WDR72: variants seen among roughly 807,000 people sequenced by gnomAD.
WDR72 encodes the protein WD repeat-containing protein 72.
WDR72 carries 120 observed loss-of-function variants against 124.2 expected under a neutral mutation model. That is an observed-to-expected ratio of 0.97 (90% CI 0.83 to 1.12). The LOEUF is 1.12. WDR72 is among the 50% of genes most tolerant of loss of function. The pLI, the probability that WDR72 is intolerant of heterozygous loss-of-function variation, is 0.00. For missense variants in WDR72, 1,387 were observed against 1,278.8 expected (o/e 1.08, Z -1.29); for synonymous variants, 452 against 441.7 (o/e 1.02, Z -0.29).
chr15:53,658,306 G>C (rs575983482), intron 14 of WDR72, among the ~76,000 whole-genome samples: 1 of 151,912 alleles, frequency 6.6e-6, no homozygotes, highest in South Asian at 2.1e-4. Flanking sequence ...ATAACAGCTC[G>C]CAATGGTAGA....
chr15:53,560,168 C>T (rs577862137), intron 18 of WDR72, among the ~76,000 whole-genome samples: 5 of 151,924 alleles, frequency 3.3e-5, no homozygotes, highest in Admixed American at 6.6e-5. Flanking sequence ...AAAAGCTGTC[C>T]GATGGCTTTC....
At chr15:53,571,790 A>C (rs1446350240) in intron 18 of WDR72, among the ~76,000 whole-genome samples, 1 of 149,456 alleles carries the variant, frequency 6.7e-6, no homozygotes, top group Non-Finnish European at 1.5e-5. Flanking sequence ...TTTTTTAAGA[A>C]TCTTCATACT....
At chr15:53,704,675 G>A (rs185235183) in intron 11 of WDR72, among the ~76,000 whole-genome samples, 1,594 of 143,464 alleles carry the variant, frequency 0.011, 16 homozygotes, top group Non-Finnish European at 0.017. Flanking sequence ...ACAGGTGCCC[G>A]CCACCATGCC....
intron 12 of WDR72, among the ~76,000 whole-genome samples, chr15:53,700,182 T>A (rs6493644): frequency 0.045 from 6,789 of 152,128 alleles, 534 homozygotes; most frequent in African/African-American, 0.16. Context: ...CCAGGACAGA[T>A]CTACTTATAA....
chr15:53,526,491 G>A (rs1892124053), intron 18 of WDR72, among the ~76,000 whole-genome samples: 1 of 152,030 alleles, frequency 6.6e-6, no homozygotes, highest in African/African-American at 2.4e-5. Context: ...CTCTTTACAT[G>A]TCTCTTTGAG....
intron 18 of WDR72, among the ~76,000 whole-genome samples, chr15:53,573,912 C>T (rs967246205): frequency 6.6e-6 from 1 of 152,112 alleles, no homozygotes; most frequent in Non-Finnish European, 1.5e-5. Context: ...GTTTTTATTT[C>T]TTTAATTGAT....
intron 18 of WDR72, among the ~76,000 whole-genome samples, chr15:53,533,637 A>G (rs529480886): frequency 2.0e-5 from 3 of 152,216 alleles, no homozygotes; most frequent in African/African-American, 4.8e-5. Flanking sequence ...TTCTCACTAG[A>G]TGCTACCCCT....
At chr15:53,660,753 T>A (rs1314540565) in intron 14 of WDR72, among the ~76,000 whole-genome samples, 1 of 152,168 alleles carries the variant, frequency 6.6e-6, no homozygotes, top group Non-Finnish European at 1.5e-5. Context: ...AGCCATTACT[T>A]ACAAATTTGT....
chr15:53,517,904 G>C (rs1223050207), intron 19 of WDR72, 150 bp from the exon 20 acceptor site: 1 of 732,636 alleles, frequency 1.4e-6, no homozygotes, highest in African/African-American at 1.8e-5. Context: ...AAGAAAGGAA[G>C]AAAGGTATTG....
intron 13 of WDR72, among the ~76,000 whole-genome samples, chr15:53,668,531 A>G (rs2015855897): frequency 6.6e-6 from 1 of 152,154 alleles, no homozygotes; most frequent in Non-Finnish European, 1.5e-5. Flanking sequence ...GGCTTGATAA[A>G]TATTTTCTCA....
chr15:53,746,325 G>A lies in WDR72; in HGVS notation c.-12-13164C>T, dbSNP rs186021932. On this transcript the variant is annotated intron_variant, in intron 1 of 19. Coordinates refer to ENST00000360509, the MANE Select transcript of WDR72 (RefSeq NM_182758.4). The stretch of plus-strand genomic sequence containing the variant: ...ATTGTTTACCTTGTCATAAATAGCT[G>A]TCTTCAGGGACACACCCAGACACTG... Among the ~76,000 whole-genome samples, 474 of 152,204 alleles carry A rather than the reference G, an allele frequency of 3.1e-3. 1 individual carries two copies. Among genetic ancestry groups the A allele is most frequent in the Non-Finnish European group, 5.3e-3 (360 of 68,020 alleles).
At chr15:53,535,050 A>T (rs1892689267) in intron 18 of WDR72, among the ~76,000 whole-genome samples, 1 of 152,150 alleles carries the variant, frequency 6.6e-6, no homozygotes, top group African/African-American at 2.4e-5. Context: ...TAAAGGAAAA[A>T]GGAAATAAAG....
chr15:53,573,241 A>C (rs1391068472), intron 18 of WDR72, among the ~76,000 whole-genome samples: 1 of 152,130 alleles, frequency 6.6e-6, no homozygotes, highest in Non-Finnish European at 1.5e-5. Flanking sequence ...TATTTCCTTC[A>C]TTCCATGATA....
intron 14 of WDR72, among the ~76,000 whole-genome samples, chr15:53,621,661 A>G (rs2014000554): frequency 6.6e-6 from 1 of 151,976 alleles, no homozygotes. Flanking sequence ...GAAGGGGATG[A>G]CGAATAAAAG....
At position 53,515,778 on chromosome 15, in the gene WDR72, C is replaced by CTAAG. The variant is rs1891428557; in HGVS notation, c.*1917_*1920dup. The CTAAG allele has an allele frequency of 1.3e-5, 2 of 152,176 alleles. No individual in the cohort carries two copies. Among genetic ancestry groups the CTAAG allele is most frequent in the African/African-American group, 4.8e-5 (2 of 41,536 alleles). 9.4% of individuals were successfully genotyped at this position (152,176 alleles called of 1,614,324 possible). A position where few individuals can be genotyped will look rare whatever the true frequency, so the allele number is the denominator to read the frequency against. On this transcript the variant is annotated 3_prime_UTR_variant, in exon 20 of 20. Coordinates refer to ENST00000360509, the MANE Select transcript of WDR72 (RefSeq NM_182758.4). The stretch of plus-strand genomic sequence containing the variant: ...TTGGTTTCATTAGAACTGATAAATG[C>CTAAG]TAAGTATGGCAACTATTAAAACCTA...
chr15:53,705,229 T>C lies in WDR72; in HGVS notation c.1107A>G (p.Ile369Met). 1 of 1,612,984 alleles carries C rather than the reference T, an allele frequency of 6.2e-7. No individual in the cohort carries two copies. Among genetic ancestry groups the C allele is most frequent in the Non-Finnish European group, 8.5e-7 (1 of 1,179,990 alleles). The change falls in exon 11 of 20, where the codon ATA (isoleucine) becomes ATG (methionine). Residue 369 changes from isoleucine to methionine, a missense_variant. Ile to Met is a conservative substitution (Grantham distance 10). Transcript: ENST00000360509. ...GAAGAGTCCAGGTGGCAGTTACTGG[T>C]ATCTCTAAAAAGAAAACAGACATAA... Reference protein sequence around the residue: ...VSKFDGSPREIPVTATWTLQD... With the variant: ...VSKFDGSPREMPVTATWTLQD...
At chr15:53,572,681 G>A (rs1159466293) in intron 18 of WDR72, among the ~76,000 whole-genome samples, 1 of 152,146 alleles carries the variant, frequency 6.6e-6, no homozygotes, top group Non-Finnish European at 1.5e-5. Flanking sequence ...TTCCTAAACA[G>A]ACAGGAGCCA....
chr15:53,706,923 C>G (rs955217526), intron 9 of WDR72, among the ~76,000 whole-genome samples: 1 of 151,868 alleles, frequency 6.6e-6, no homozygotes, highest in African/African-American at 2.4e-5. Context: ...ATATTGGGCA[C>G]CAGCGTTTTT....
At chr15:53,677,137 G>A (rs1595841159) in intron 13 of WDR72, among the ~76,000 whole-genome samples, 1 of 152,058 alleles carries the variant, frequency 6.6e-6, no homozygotes, top group East Asian at 1.9e-4. Flanking sequence ...AGCCAGGATG[G>A]TCTCAATCTC....
Sources: gnomAD v4.1 joint callset for allele counts (sites outside exome capture counted in the v4.1 genomes callset) on GRCh38, gnomAD v4.1.1 for gene constraint, MANE v1.5 for transcripts, NCBI Gene and HGNC (gene_info 2026-07-23, HGNC 2026-07-21) for gene names.